The following LGSN variants were observed in gnomAD, a reference collection of about 807,000 sequenced individuals.
The protein encoded by LGSN is lengsin, lens protein with glutamine synthetase domain.
A neutral mutation model predicts 19.5 loss-of-function variants in LGSN; 21 were observed. That is an observed-to-expected ratio of 1.07 (90% CI 0.76 to 1.55). The LOEUF (loss-of-function observed/expected upper bound fraction) is 1.55, where lower values mean the gene tolerates loss of function less well. Among genes scored for constraint, LGSN ranks in the 40% most tolerant of loss-of-function variants. The probability of loss-of-function intolerance (pLI) is 0.00; values close to 1 mark genes in which losing one functional copy is unlikely to be tolerated. For synonymous variants in LGSN, 257 were observed against 215.6 expected, an observed-to-expected ratio of 1.19 and a Z score of -1.68; for missense variants, 673 against 608.5, an observed-to-expected ratio of 1.11 and a Z score of -1.12.
chr6:63,500,266 G>GA, the LGSN span, among the ~76,000 whole-genome samples: 127 of 150,288 alleles, frequency 8.5e-4, 1 homozygote, highest in African/African-American at 2.9e-3. Context: ...AAGTATAATG[G>GA]AAAAAAAAAA....
chr6:63,304,471 G>A (rs943407865), intron 1 of LGSN, among the ~76,000 whole-genome samples: 1 of 152,184 alleles, frequency 6.6e-6, no homozygotes, highest in Non-Finnish European at 1.5e-5. Flanking sequence ...GCTGAACAGG[G>A]AGAAATCTGT....
At chr6:63,365,158 T>G in the LGSN span, among the ~76,000 whole-genome samples, 2 of 151,980 alleles carry the variant, frequency 1.3e-5, no homozygotes, top group Non-Finnish European at 2.9e-5. Flanking sequence ...CTGGTTTTTT[T>G]GAAAAAATCA....
the LGSN span, among the ~76,000 whole-genome samples, chr6:63,412,474 GA>G: frequency 1.3e-4 from 13 of 96,782 alleles, no homozygotes; most frequent in South Asian, 6.2e-4. Flanking sequence ...AAAAGAGAGA[GA>G]AGAAAGAGAA....
chr6:63,320,026 A>C, upstream of LGSN: 1 of 1,021,734 alleles, frequency 9.8e-7, no homozygotes. Flanking sequence ...TGTACCTACA[A>C]CAAAGACTGC....
chr6:63,405,528 GT>G, the LGSN span, among the ~76,000 whole-genome samples: 12 of 152,136 alleles, frequency 7.9e-5, no homozygotes, highest in African/African-American at 2.9e-4. Flanking sequence ...TCTCATTGCA[GT>G]TTTGATTTGC....
At chr6:63,314,619 C>T (rs1768770641) in intron 1 of LGSN, among the ~76,000 whole-genome samples, 1 of 152,160 alleles carries the variant, frequency 6.6e-6, no homozygotes, top group South Asian at 2.1e-4. Context: ...GAATTTCAAT[C>T]TAAAACTGAT....
chr6:63,402,595 C>T, the LGSN span, among the ~76,000 whole-genome samples: 1 of 152,120 alleles, frequency 6.6e-6, no homozygotes. Context: ...TGGTGATTTT[C>T]AGGCTCAAAA....
chr6:63,450,258 A>T, the LGSN span, among the ~76,000 whole-genome samples: 1 of 151,496 alleles, frequency 6.6e-6, no homozygotes, highest in African/African-American at 2.4e-5. Context: ...GCTACTCAGG[A>T]GGCTGAGGCA....
chr6:63,495,929 A>AT, the LGSN span, among the ~76,000 whole-genome samples: 2 of 150,910 alleles, frequency 1.3e-5, no homozygotes, highest in African/African-American at 2.4e-5. Flanking sequence ...TAATTAATTA[A>AT]TTTTTTTAAA....
chr6:63,328,973 AG>A, the LGSN span, among the ~76,000 whole-genome samples: 1 of 152,194 alleles, frequency 6.6e-6, no homozygotes, highest in Non-Finnish European at 1.5e-5. Flanking sequence ...TTCCTTGCTG[AG>A]GGCCCTGGTC....
chr6:63,561,202 T>C, the LGSN span, among the ~76,000 whole-genome samples: 2 of 152,278 alleles, frequency 1.3e-5, no homozygotes, highest in South Asian at 4.1e-4. Flanking sequence ...CCACTGGAAT[T>C]TGAATTCCAG....
chr6:63,535,550 A>G, the LGSN span, among the ~76,000 whole-genome samples: 3 of 152,258 alleles, frequency 2.0e-5, no homozygotes, highest in Non-Finnish European at 4.4e-5. Flanking sequence ...AACTAAAATT[A>G]GTGGCATTTG....
chr6:63,475,467 C>T, the LGSN span, among the ~76,000 whole-genome samples: 2 of 152,048 alleles, frequency 1.3e-5, no homozygotes, highest in Non-Finnish European at 2.9e-5. Flanking sequence ...TATGTGTGTA[C>T]TTTGAGATGA....
chr6:63,559,260 A>G, the LGSN span, among the ~76,000 whole-genome samples: 3 of 152,338 alleles, frequency 2.0e-5, no homozygotes, highest in Admixed American at 2.0e-4. Context: ...AATTAAAAGG[A>G]TCATAATATA....
At chr6:63,543,057 T>C in the LGSN span, among the ~76,000 whole-genome samples, 1 of 152,202 alleles carries the variant, frequency 6.6e-6, no homozygotes, top group Admixed American at 6.5e-5. Context: ...CAATCTTTTT[T>C]CAACTATATC....
At chr6:63,432,145 GAAAGAAA>G in the LGSN span, among the ~76,000 whole-genome samples, 13 of 108,182 alleles carry the variant, frequency 1.2e-4, 1 homozygote, top group African/African-American at 4.9e-4. Flanking sequence ...AAGAAAGAAA[GAAAGAAA>G]GAAAGAAAGA....
chr6:63,351,551 C>G, the LGSN span, among the ~76,000 whole-genome samples: 4 of 152,080 alleles, frequency 2.6e-5, no homozygotes, highest in African/African-American at 9.7e-5. Context: ...CTCTGCCTCC[C>G]AGGTTCAAGT....
At chr6:63,312,428 C>T (rs530629076) in intron 1 of LGSN, among the ~76,000 whole-genome samples, 2 of 152,314 alleles carry the variant, frequency 1.3e-5, no homozygotes, top group African/African-American at 4.8e-5. Context: ...CTTCAAATAA[C>T]TCATAGTTAT....
chr6:63,371,452 G>C, the LGSN span, among the ~76,000 whole-genome samples: 1 of 152,178 alleles, frequency 6.6e-6, no homozygotes, highest in Non-Finnish European at 1.5e-5. Flanking sequence ...ACAATGATTT[G>C]AGATTTTGAA....
Sources: gnomAD v4.1 joint callset for allele counts (sites outside exome capture counted in the v4.1 genomes callset) on GRCh38, gnomAD v4.1.1 for gene constraint, MANE v1.5 for transcripts, NCBI Gene and HGNC (gene_info 2026-07-23, HGNC 2026-07-21) for gene names.